BAZ1A: variants seen among roughly 807,000 people sequenced by gnomAD.
BAZ1A encodes the protein bromodomain adjacent to zinc finger domain 1A, also known as bromodomain adjacent to zinc finger domain protein 1A.
A neutral mutation model predicts 185.2 loss-of-function variants in BAZ1A; 50 were observed. The observed-to-expected ratio is 0.27, with a 90% CI of 0.22 to 0.34. The LOEUF is 0.34. BAZ1A is among the 10% of genes least tolerant of loss of function. BAZ1A has a pLI of 1.00. For missense variants in BAZ1A, 1,356 were observed against 1,839.9 expected, an observed-to-expected ratio of 0.74 and a Z score of 4.81; for synonymous variants, 571 against 615.6, an observed-to-expected ratio of 0.93 and a Z score of 1.07.
intron 1 of BAZ1A, 94 bp downstream of exon 1, chr14:34,875,044 G>C (rs113406323): frequency 0.031 from 7,857 of 256,936 alleles, 237 homozygotes; most frequent in Admixed American, 0.11. Flanking sequence ...CCGCCAGAGC[G>C]CTCGCCGCGG....
chr14:34,858,718 G>C (rs907430028), intron 3 of BAZ1A, among the ~76,000 whole-genome samples: 2 of 151,858 alleles, frequency 1.3e-5, no homozygotes, highest in Non-Finnish European at 2.9e-5. Flanking sequence ...ATTAAAAGTT[G>C]GGGCGAGGGT....
In BAZ1A at chr14:34,771,593, C is replaced by G; in HGVS notation, c.3219G>C (p.Val1073=). Reference sequence around the variant, plus strand: ...TTGCCAGATAATGAACCACACTGCTCACTGATTGTGGTGTACTTGCATTTG... The same window carrying G: ...TTGCCAGATAATGAACCACACTGCTGACTGATTGTGGTGTACTTGCATTTG... The part of the protein sequence containing the change: ...VSTNASTPQS[V]SSVVHYLAMA... Residue 1073 remains valine, a synonymous_variant, in exon 21 of 27, where the codon GTG becomes GTC. Transcript: ENST00000360310. 6.2e-7 allele frequency: 1 copy of G among 1,613,964 alleles called. No individual in the cohort carries two copies. Among genetic ancestry groups the G allele is most frequent in the Non-Finnish European group, 8.5e-7 (1 of 1,179,856 alleles).
At chr14:34,767,583 C>G (rs534325701) in intron 21 of BAZ1A, among the ~76,000 whole-genome samples, 1 of 152,214 alleles carries the variant, frequency 6.6e-6, no homozygotes, top group African/African-American at 2.4e-5. Context: ...GTAGAGTCCA[C>G]TTAAATGCAT....
At chr14:34,792,689 G>C in intron 12 of BAZ1A, 86 bp downstream of exon 12, 1 of 1,444,974 alleles carries the variant, frequency 6.9e-7, no homozygotes, top group East Asian at 2.3e-5. Flanking sequence ...AAGCATAAAA[G>C]CCAATTTAAC....
intron 2 of BAZ1A, among the ~76,000 whole-genome samples, chr14:34,863,091 C>T (rs1176493159): frequency 3.5e-5 from 5 of 144,070 alleles, no homozygotes; most frequent in African/African-American, 1.0e-4. Flanking sequence ...CAGGTTTAAG[C>T]GATTCTCCTG....
chr14:34,859,308 C>T (rs761270492), intron 3 of BAZ1A, among the ~76,000 whole-genome samples: 3 of 151,832 alleles, frequency 2.0e-5, no homozygotes, highest in African/African-American at 7.3e-5. Context: ...GTGGCACATG[C>T]CTATAGTCCC....
At chr14:34,868,793 T>G (rs551112405) in intron 2 of BAZ1A, among the ~76,000 whole-genome samples, 2 of 151,072 alleles carry the variant, frequency 1.3e-5, no homozygotes, top group South Asian at 4.2e-4. Flanking sequence ...ACAGTGAGAC[T>G]CCGTCTCAAA....
intron 3 of BAZ1A, among the ~76,000 whole-genome samples, chr14:34,832,189 T>TACACACAC: frequency 1.5e-5 from 1 of 65,990 alleles, no homozygotes; most frequent in African/African-American, 5.1e-5. Context: ...CATATATACA[T>TACACACAC]ATACACACAC....
chr14:34,826,191 A>G (rs376690889), intron 3 of BAZ1A, 35 bp from the exon 4 acceptor site: 111 of 1,596,676 alleles, frequency 7.0e-5, no homozygotes, highest in Non-Finnish European at 9.3e-5. Context: ...AATGCAAATC[A>G]TTTCATATTT....
At chr14:34,772,635 T>C (rs1158584858) in intron 20 of BAZ1A, among the ~76,000 whole-genome samples, 2 of 152,142 alleles carry the variant, frequency 1.3e-5, no homozygotes, top group African/African-American at 4.8e-5. Flanking sequence ...TATTTAGAGA[T>C]GAGGTCTCAT....
chr14:34,846,801 G>C (rs548114640), intron 3 of BAZ1A, among the ~76,000 whole-genome samples: 2 of 152,142 alleles, frequency 1.3e-5, no homozygotes, highest in South Asian at 4.1e-4. Context: ...AAAAAAGATA[G>C]TTCTACTCTA....
intron 3 of BAZ1A, among the ~76,000 whole-genome samples, chr14:34,846,363 T>C (rs1050445387): frequency 3.9e-5 from 6 of 152,100 alleles, no homozygotes; most frequent in African/African-American, 1.5e-4. Flanking sequence ...CCATAAAAAC[T>C]AACCACTCTC....
At chr14:34,835,709 G>T (rs1403317675) in intron 3 of BAZ1A, among the ~76,000 whole-genome samples, 1 of 143,356 alleles carries the variant, frequency 7.0e-6, no homozygotes, top group Non-Finnish European at 1.5e-5. Context: ...TTTCTCTCTT[G>T]TTGCCAGGCT....
chr14:34,792,609 T>G (rs1234888999), intron 12 of BAZ1A, among the ~76,000 whole-genome samples, 166 bp downstream of exon 12: 1 of 152,156 alleles, frequency 6.6e-6, no homozygotes, highest in East Asian at 1.9e-4. Flanking sequence ...AAAACAAAAT[T>G]TTTGTAACAT....
At chr14:34,829,862 T>A (rs1461317799) in intron 3 of BAZ1A, among the ~76,000 whole-genome samples, 1 of 152,180 alleles carries the variant, frequency 6.6e-6, no homozygotes, top group Non-Finnish European at 1.5e-5. Flanking sequence ...AAATATATAG[T>A]GATTCCCCCA....
rs1302799898 is a variant in BAZ1A, at chr14:34,769,220, A to G, written c.3301+2291T>C. ...TATTCTTGATTGCTTTATTTCAGAT[A>G]GCCTATCTCCATCTCCTGCTGTCCT... On this transcript the variant is annotated intron_variant, in intron 21 of 26. Transcript: ENST00000360310. Among the ~76,000 whole-genome samples the G allele has an allele frequency of 2.0e-5, 3 of 152,264 alleles. No homozygotes were observed. The East Asian group carries it at 5.8e-4, about 29-fold the overall frequency.
Position 34,775,960 on chromosome 14 carries a change from G to A in BAZ1A, c.2792C>T (p.Ala931Val), listed in dbSNP as rs774082204. 6.2e-7 allele frequency: 1 copy of A among 1,610,964 alleles called. No homozygotes were observed. The highest frequency in any genetic ancestry group is 1.1e-5 in the South Asian group (1 of 90,822). Residue 931 changes from alanine (A) to valine (V), a missense_variant, in exon 18 of 27, where the codon GCA (alanine) becomes GTA (valine). Transcript: ENST00000360310. The part of the protein sequence containing the change: ...TLLQEKSRIC[A>V]QLARFSEEKF... ...CTCTTCAGAAAAACGGGCTAGCTGTGCACATATTCTGCTTTTCTCTTGTAA... is the reference window on the plus strand; with the variant it reads ...CTCTTCAGAAAAACGGGCTAGCTGTACACATATTCTGCTTTTCTCTTGTAA...
chr14:34,808,193 C>A (rs574417656), intron 5 of BAZ1A, among the ~76,000 whole-genome samples: 88 of 151,556 alleles, frequency 5.8e-4, no homozygotes, highest in African/African-American at 2.1e-3. Flanking sequence ...CATTAAAATT[C>A]TCTTAAAAAT....
intron 3 of BAZ1A, among the ~76,000 whole-genome samples, chr14:34,850,238 T>C (rs2042576780): frequency 1.3e-5 from 2 of 151,758 alleles, no homozygotes; most frequent in Admixed American, 1.3e-4. Flanking sequence ...ATTATCCAGG[T>C]GTGGTGGAAT....
Sources: allele counts gnomAD v4.1 joint callset (sites outside exome capture counted in the v4.1 genomes callset), GRCh38; gene constraint gnomAD v4.1.1; transcripts MANE v1.5; gene names NCBI Gene and HGNC (gene_info 2026-07-23, HGNC 2026-07-21).